The following IMMP1L variants were observed in gnomAD, a reference collection of about 807,000 sequenced individuals.
IMMP1L encodes inner mitochondrial membrane peptidase subunit 1, also known as mitochondrial inner membrane protease subunit 1.
In IMMP1L, 24 loss-of-function variants were observed where a neutral mutation model predicts 21.8. The ratio of observed to expected loss-of-function variants is 1.10; its 90% CI spans 0.80 to 1.55. IMMP1L has a LOEUF of 1.55. Among genes scored for constraint, IMMP1L ranks in the 40% most tolerant of loss-of-function variants. The pLI, the probability that IMMP1L is intolerant of heterozygous loss-of-function variation, is 0.00. For missense variants in IMMP1L, 195 were observed against 200.7 expected (o/e 0.97, Z 0.17); for synonymous variants, 46 against 62.8 (o/e 0.73, Z 1.26).
At chr11:31,500,593 G>GCACGCACA (rs1554952089) in intron 1 of IMMP1L, among the ~76,000 whole-genome samples, 2 of 55,274 alleles carry the variant, frequency 3.6e-5, no homozygotes, top group Admixed American at 1.6e-4. Context: ...TTCCACATAT[G>GCACGCACA]CACACACACA....
chr11:31,492,766 C>T (rs549368556), intron 1 of IMMP1L, among the ~76,000 whole-genome samples: 54 of 152,280 alleles, frequency 3.5e-4, no homozygotes, highest in African/African-American at 1.3e-3. Flanking sequence ...GCTGGGGGGA[C>T]AGCTGGTTGA....
chr11:31,449,287 G>A (rs1164638625), intron 4 of IMMP1L, among the ~76,000 whole-genome samples: 1 of 152,148 alleles, frequency 6.6e-6, no homozygotes, highest in African/African-American at 2.4e-5. Context: ...TAGAAGACCA[G>A]ATGGTTGACT....
At chr11:31,443,133 C>T (rs888092234) in intron 4 of IMMP1L, among the ~76,000 whole-genome samples, 1 of 152,130 alleles carries the variant, frequency 6.6e-6, no homozygotes, top group East Asian at 1.9e-4. Flanking sequence ...TCTGCTTAAT[C>T]ATGACTTATG....
In IMMP1L at chr11:31,465,987, T is replaced by C. The variant is rs140826412; in HGVS notation, c.-29-2682A>G. Among the ~76,000 whole-genome samples, 159 of 151,924 alleles carry C rather than the reference T, an allele frequency of 1.0e-3. 2 individuals carry two copies. Among genetic ancestry groups the C allele is most frequent in the African/African-American group, 3.5e-3 (144 of 41,496 alleles). ...GAAAATAAAGTAAAAAGACAACATG[T>C]TGAATGGGAGAAAATATTTGCAAAC... On this transcript the variant is annotated intron_variant, in intron 1 of 5. Transcript: ENST00000532287.
intron 3 of IMMP1L, among the ~76,000 whole-genome samples, chr11:31,458,610 G>C (rs1286111867): frequency 3.3e-5 from 5 of 151,996 alleles, no homozygotes; most frequent in African/African-American, 1.2e-4. Context: ...CCTTGCCAGG[G>C]GTCAAAGATT....
chr11:31,455,484 G>A (rs756558266), intron 4 of IMMP1L, among the ~76,000 whole-genome samples: 1 of 152,124 alleles, frequency 6.6e-6, no homozygotes, highest in Non-Finnish European at 1.5e-5. Context: ...CCATTTTACT[G>A]TTCTTGCACT....
chr11:31,491,093 G>T (rs1403323963), intron 1 of IMMP1L, among the ~76,000 whole-genome samples: 1 of 152,158 alleles, frequency 6.6e-6, no homozygotes, highest in African/African-American at 2.4e-5. Context: ...ATCTCTGTGT[G>T]TTAAGTCACC....
chr11:31,454,049 G>A (rs774675441), intron 4 of IMMP1L, among the ~76,000 whole-genome samples: 1 of 152,116 alleles, frequency 6.6e-6, no homozygotes, highest in African/African-American at 2.4e-5. Context: ...TCATCGGGTT[G>A]CTGTTGTGAT....
chr11:31,474,754 CTTTAAAG>C (rs1263169299), intron 1 of IMMP1L, among the ~76,000 whole-genome samples: 1 of 152,182 alleles, frequency 6.6e-6, no homozygotes, highest in African/African-American at 2.4e-5. Flanking sequence ...ACTGCCATTA[CTTTAAAG>C]TTTAAAGCAG....
intron 1 of IMMP1L, among the ~76,000 whole-genome samples, chr11:31,508,175 A>G (rs924342268): frequency 6.6e-6 from 1 of 152,220 alleles, no homozygotes; most frequent in Non-Finnish European, 1.5e-5. Flanking sequence ...GAAGAAAAAA[A>G]AAATTCAAGA....
intron 1 of IMMP1L, among the ~76,000 whole-genome samples, chr11:31,507,184 C>A (rs1028452602): frequency 2.3e-4 from 35 of 151,280 alleles, no homozygotes; most frequent in Admixed American, 1.8e-3. Flanking sequence ...GAGGCTGAGG[C>A]AGGAGAATGG....
At chr11:31,450,235 G>A (rs1953698363) in intron 4 of IMMP1L, among the ~76,000 whole-genome samples, 1 of 152,118 alleles carries the variant, frequency 6.6e-6, no homozygotes, top group Admixed American at 6.5e-5. Flanking sequence ...CAGAAATGCA[G>A]AAACTCTTAT....
chr11:31,488,922 A>G (rs2133781383), intron 1 of IMMP1L, among the ~76,000 whole-genome samples: 1 of 151,982 alleles, frequency 6.6e-6, no homozygotes, highest in Non-Finnish European at 1.5e-5. Flanking sequence ...TTTGAGGCGG[A>G]GTCTCGCTCT....
intron 4 of IMMP1L, among the ~76,000 whole-genome samples, chr11:31,444,801 G>A (rs536650057): frequency 1.3e-3 from 193 of 152,082 alleles, no homozygotes; most frequent in African/African-American, 4.5e-3. Context: ...TGCTGGTCTC[G>A]AACTTAAATG....
At position 31,439,638 on chromosome 11, in the gene IMMP1L, TTTG is replaced by T. The variant is rs1953251593; in HGVS notation, c.322-6071_322-6069del. ...CTGGACACTCACTTGCTGAGTAGAT[TTTG>T]TTGTCTGTTTTTATAGAGTGTTGAA... On this transcript the variant is annotated intron_variant, in intron 4 of 5. Transcript: ENST00000532287. Among the ~76,000 whole-genome samples, 3 of 152,288 alleles carry T rather than the reference TTTG, an allele frequency of 2.0e-5. No homozygotes were observed. The South Asian group carries it at 6.2e-4, about 32-fold the overall frequency.
At chr11:31,475,148 T>C (rs1441283700) in intron 1 of IMMP1L, among the ~76,000 whole-genome samples, 1 of 152,234 alleles carries the variant, frequency 6.6e-6, no homozygotes, top group Non-Finnish European at 1.5e-5. Context: ...ATTTCATTAG[T>C]CCACTGGTAT....
At chr11:31,479,113 T>C (rs761841514) in intron 1 of IMMP1L, among the ~76,000 whole-genome samples, 2 of 152,002 alleles carry the variant, frequency 1.3e-5, no homozygotes, top group Non-Finnish European at 2.9e-5. Flanking sequence ...AATCTAAGGA[T>C]GTGAAGACGT....
intron 1 of IMMP1L, among the ~76,000 whole-genome samples, chr11:31,472,817 C>A (rs371266370): frequency 2.0e-5 from 3 of 152,100 alleles, no homozygotes; most frequent in African/African-American, 7.2e-5. Context: ...CTCATTTAAT[C>A]CTTAAAACAA....
At chr11:31,459,118 C>T in intron 3 of IMMP1L, among the ~76,000 whole-genome samples, 1 of 152,174 alleles carries the variant, frequency 6.6e-6, no homozygotes, top group Middle Eastern at 3.4e-3. Flanking sequence ...TTTTATAATT[C>T]CTGTATCTAC....
Sources: gnomAD v4.1 joint callset for allele counts (sites outside exome capture counted in the v4.1 genomes callset) on GRCh38, gnomAD v4.1.1 for gene constraint, MANE v1.5 for transcripts, NCBI Gene and HGNC (gene_info 2026-07-23, HGNC 2026-07-21) for gene names.